The following MS4A4E variants were observed in gnomAD, a reference collection of about 807,000 sequenced individuals.
MS4A4E encodes membrane spanning 4-domains A4E, also known as putative membrane-spanning 4-domains subfamily A member 4E.
MS4A4E carries 23 observed loss-of-function variants against 13.3 expected under a neutral mutation model. The ratio of observed to expected loss-of-function variants is 1.73; its 90% CI spans 1.25 to 2.45. MS4A4E has a LOEUF of 2.45. Among genes scored for constraint, MS4A4E ranks in the 30% most tolerant of loss-of-function variants. The pLI, the probability that MS4A4E is intolerant of heterozygous loss-of-function variation, is 0.00. For missense variants in MS4A4E, 144 were observed against 131.2 expected, an observed-to-expected ratio of 1.10 and a Z score of -0.48; for synonymous variants, 36 against 45.6, an observed-to-expected ratio of 0.79 and a Z score of 0.85.
chr11:60,239,162 G>A (rs560681608), intron 1 of MS4A4E, among the ~76,000 whole-genome samples: 2 of 152,140 alleles, frequency 1.3e-5, no homozygotes, highest in South Asian at 2.1e-4. Context: ...TAAATTACCC[G>A]GATTTAAATT....
At chr11:60,225,938 A>C (rs2084335980) in intron 3 of MS4A4E, among the ~76,000 whole-genome samples, 1 of 151,970 alleles carries the variant, frequency 6.6e-6, no homozygotes, top group Admixed American at 6.5e-5. Flanking sequence ...AAAGAGAGAG[A>C]GGACACAGAT....
intron 7 of MS4A4E, among the ~76,000 whole-genome samples, 54 bp from the exon 8 acceptor site, chr11:60,205,012 G>A (rs1276732173): frequency 6.6e-6 from 1 of 152,172 alleles, no homozygotes; most frequent in African/African-American, 2.4e-5. Flanking sequence ...ACATTCCCAT[G>A]AAAAGCGTGC....
At chr11:60,218,623 G>A (rs556171486) in intron 3 of MS4A4E, among the ~76,000 whole-genome samples, 53 of 152,018 alleles carry the variant, frequency 3.5e-4, no homozygotes, top group Admixed American at 2.8e-3. Flanking sequence ...CGATAGTGAT[G>A]GCCTTCTCCT....
In MS4A4E at chr11:60,242,861, C is replaced by T; in HGVS notation, c.-17+97G>A. On this transcript the variant is annotated intron_variant, in intron 1 of 8. Coordinates refer to ENST00000651255, the MANE Select transcript of MS4A4E (RefSeq NM_001393391.1). ...CAGCTTGGGTCATGGGAAGTGACCT[C>T]ATTTTTTTTTCTCACTCCACTCCCA... is the stretch of plus-strand genomic sequence containing the variant. The T allele has an allele frequency of 3.5e-6, 3 of 865,378 alleles. No homozygotes were observed. In the Admixed American group the frequency reaches 8.0e-5, roughly 23 times the overall value. The allele number at this position is 865,378 out of a possible 1,614,324, so 53.6% of individuals were successfully genotyped here. A position where few individuals can be genotyped will look rare whatever the true frequency, so the allele number is the denominator to read the frequency against.
intron 3 of MS4A4E, chr11:60,225,210 T>C: frequency 1.0e-6 from 1 of 966,634 alleles, no homozygotes; most frequent in South Asian, 3.0e-5. Flanking sequence ...CATATGACCT[T>C]GATATTCTGT....
At chr11:60,241,481 A>G (rs1488725105) in intron 1 of MS4A4E, among the ~76,000 whole-genome samples, 1 of 152,216 alleles carries the variant, frequency 6.6e-6, no homozygotes, top group African/African-American at 2.4e-5. Context: ...CTGAGGGCCG[A>G]GCCATTATAT....
intron 8 of MS4A4E, among the ~76,000 whole-genome samples, chr11:60,203,976 A>G (rs576832551): frequency 6.6e-6 from 1 of 152,348 alleles, no homozygotes; most frequent in Non-Finnish European, 1.5e-5. Flanking sequence ...TGCCTAAAAT[A>G]TTTGCATTAG....
chr11:60,239,044 C>T (rs929330028), intron 1 of MS4A4E, among the ~76,000 whole-genome samples: 2 of 152,196 alleles, frequency 1.3e-5, no homozygotes, highest in African/African-American at 2.4e-5. Context: ...AAGGTGCAAA[C>T]AACCCAAATG....
chr11:60,230,978 C>T (rs1207005686), intron 1 of MS4A4E, among the ~76,000 whole-genome samples: 1 of 151,332 alleles, frequency 6.6e-6, no homozygotes, highest in East Asian at 1.9e-4. Context: ...TTATTGGTAA[C>T]ATAAATGAAA....
chr11:60,223,627 C>A (rs1261227474), intron 3 of MS4A4E, among the ~76,000 whole-genome samples: 2 of 152,172 alleles, frequency 1.3e-5, no homozygotes, highest in Admixed American at 6.5e-5. Flanking sequence ...AAGGCAGACC[C>A]ACCCTCAATC....
chr11:60,220,023 T>C (rs904028219), intron 3 of MS4A4E, among the ~76,000 whole-genome samples: 1 of 152,146 alleles, frequency 6.6e-6, no homozygotes, highest in African/African-American at 2.4e-5. Flanking sequence ...CCCTGACTCA[T>C]AGAGTGAAGG....
intron 3 of MS4A4E, chr11:60,225,063 G>A: frequency 1.3e-6 from 2 of 1,561,254 alleles, no homozygotes; most frequent in Non-Finnish European, 1.7e-6. Context: ...CCCATGCTAA[G>A]GCTCATCAAG....
chr11:60,211,084 G>A (rs1296675112), intron 5 of MS4A4E, among the ~76,000 whole-genome samples: 1 of 152,158 alleles, frequency 6.6e-6, no homozygotes, highest in Middle Eastern at 3.2e-3. Context: ...TCCAGATTTT[G>A]TCTCTATCAT....
At position 60,200,368 on chromosome 11, in the gene MS4A4E, G is replaced by C. The variant is rs2134902553; in HGVS notation, c.*1175C>G. Reference sequence around the variant, plus strand: ...GATTTGGCAGGGTCATAGGACAATAGTGGAGGGAAGGTCAGCAGATAAACA... The same window carrying C: ...GATTTGGCAGGGTCATAGGACAATACTGGAGGGAAGGTCAGCAGATAAACA... On this transcript the variant is annotated 3_prime_UTR_variant, in exon 9 of 9. Coordinates refer to ENST00000651255, the MANE Select transcript of MS4A4E (RefSeq NM_001393391.1). Among the ~76,000 whole-genome samples, 1 of 152,032 alleles carries C rather than the reference G, an allele frequency of 6.6e-6. No homozygotes were observed. The highest frequency in any genetic ancestry group is 1.9e-4 in the East Asian group (1 of 5,176).
At chr11:60,236,541 A>C (rs1293030432) in intron 1 of MS4A4E, among the ~76,000 whole-genome samples, 1 of 151,988 alleles carries the variant, frequency 6.6e-6, no homozygotes, top group Non-Finnish European at 1.5e-5. Context: ...TCTATTTGAA[A>C]CTATTGTAAA....
At chr11:60,229,440 A>G (rs955885484) in intron 2 of MS4A4E, among the ~76,000 whole-genome samples, 2 of 152,136 alleles carry the variant, frequency 1.3e-5, no homozygotes, top group African/African-American at 4.8e-5. Context: ...CACTGTTTTA[A>G]TTCTATATTG....
intron 3 of MS4A4E, chr11:60,225,187 C>A (rs1328629066): frequency 1.2e-5 from 15 of 1,219,122 alleles, no homozygotes; most frequent in Non-Finnish European, 1.6e-5. Flanking sequence ...TATTCTTTTT[C>A]ATTTGATATA....
At chr11:60,216,666 C>G (rs1346820868) in intron 3 of MS4A4E, among the ~76,000 whole-genome samples, 1 of 151,464 alleles carries the variant, frequency 6.6e-6, no homozygotes, top group Non-Finnish European at 1.5e-5. Context: ...AGAGATGGAA[C>G]AGTGTTTGCT....
chr11:60,241,782 T>G (rs986380160), intron 1 of MS4A4E, among the ~76,000 whole-genome samples: 1 of 152,214 alleles, frequency 6.6e-6, no homozygotes, highest in African/African-American at 2.4e-5. Flanking sequence ...GGGACATTTC[T>G]TTCAGGTTGG....
Sources: allele counts gnomAD v4.1 joint callset (sites outside exome capture counted in the v4.1 genomes callset), GRCh38; gene constraint gnomAD v4.1.1; transcripts MANE v1.5; gene names NCBI Gene and HGNC (gene_info 2026-07-23, HGNC 2026-07-21).